The following ADAP1 variants were observed in gnomAD, a reference collection of about 807,000 sequenced individuals.
ADAP1 encodes ArfGAP with dual PH domains 1, also known as arf-GAP with dual PH domain-containing protein 1.
Under a neutral mutation model 54.9 loss-of-function variants are expected in ADAP1, and 31 were observed. That is an observed-to-expected ratio of 0.56 (90% confidence interval 0.42 to 0.76). ADAP1 has a LOEUF of 0.76. ADAP1 is among the 30% of genes least tolerant of loss of function. The probability of loss-of-function intolerance (pLI) is 0.00; values close to 1 mark genes in which losing one functional copy is unlikely to be tolerated. For missense variants in ADAP1, 535 were observed against 512.4 expected, an observed-to-expected ratio of 1.04 and a Z score of -0.42; for synonymous variants, 313 against 202.6, an observed-to-expected ratio of 1.55 and a Z score of -4.63.
chr7:931,692 A>G (rs988227357), intron 2 of ADAP1, among the ~76,000 whole-genome samples: 1 of 151,762 alleles, frequency 6.6e-6, no homozygotes, highest in African/African-American at 2.4e-5. Flanking sequence ...TGCCCTTTAC[A>G]CGGTGAAATG....
intron 1 of ADAP1, among the ~76,000 whole-genome samples, chr7:951,106 G>A (rs1847257704): frequency 6.6e-6 from 1 of 152,182 alleles, no homozygotes; most frequent in Non-Finnish European, 1.5e-5. Flanking sequence ...CAGGCGCGGT[G>A]GCTCATGCCT....
At chr7:948,460 C>T (rs1847196034) in intron 1 of ADAP1, among the ~76,000 whole-genome samples, 1 of 152,134 alleles carries the variant, frequency 6.6e-6, no homozygotes, top group Admixed American at 6.6e-5. Context: ...AAAGCCTTCC[C>T]CTGCATGCCA....
Position 898,778 on chromosome 7 carries a change from C to T in ADAP1, c.*143G>A. ...CAGAGAAGCATCCTGGAAGCTGAAGCTCGGGCCCTACCTGGCCGCGCCGGG... is the reference window on the plus strand; with the variant it reads ...CAGAGAAGCATCCTGGAAGCTGAAGTTCGGGCCCTACCTGGCCGCGCCGGG... On this transcript the variant is annotated 3_prime_UTR_variant, in exon 11 of 11. Coordinates refer to ENST00000265846, the MANE Select transcript of ADAP1 (RefSeq NM_006869.4). 1.8e-6 allele frequency: 2 copies of T among 1,110,998 alleles called. No homozygotes were observed. The highest frequency in any genetic ancestry group is 2.6e-6 in the Non-Finnish European group (2 of 771,252). 68.8% of individuals were successfully genotyped at this position (1,110,998 alleles called of 1,614,324 possible). A position where few individuals can be genotyped will look rare whatever the true frequency, so the allele number is the denominator to read the frequency against.
At position 954,383 on chromosome 7, in the gene ADAP1, G is replaced by A. The variant is rs1285932446; in HGVS notation, c.82+13C>T. On this transcript the variant is annotated intron_variant, in intron 1 of 10. Coordinates refer to ENST00000265846, the MANE Select transcript of ADAP1 (RefSeq NM_006869.4). Reference sequence around the variant, plus strand: ...GACCCACCCGGCCCCGCGCCCACCCGGCCCACACCTACCCGGGGCGCCGCA... The same window carrying A: ...GACCCACCCGGCCCCGCGCCCACCCAGCCCACACCTACCCGGGGCGCCGCA... 4 of 894,304 alleles carry A rather than the reference G, an allele frequency of 4.5e-6. No individual in the cohort carries two copies. The highest frequency in any genetic ancestry group is 1.2e-4 in the East Asian group (1 of 8,482). 55.4% of individuals were successfully genotyped at this position (894,304 alleles called of 1,614,324 possible).
At chr7:906,199 GA>G (rs369915275) in intron 4 of ADAP1, among the ~76,000 whole-genome samples, 3 of 63,662 alleles carry the variant, frequency 4.7e-5, no homozygotes, top group South Asian at 7.3e-4. Context: ...AAGGAGAAAG[GA>G]GAAAGGAGAA....
At position 905,070 on chromosome 7, in the gene ADAP1, T is replaced by C. The variant is rs558466458; in HGVS notation, c.491A>G (p.Asn164Ser). ...TEREGALKYF[N>S]RNDAKEPKAV... is the part of the protein sequence containing the mutation. ...CCGTCTGTGACTCACATCATTTCTG[T>C]TGAAATACTTCAGAGCACCCTCTCG... Residue 164 changes from asparagine (N) to serine (S), a missense_variant, in exon 5 of 11, where the codon AAC becomes AGC. Physicochemically the swap from Asn to Ser is conservative, Grantham distance 46. Transcript: ENST00000265846. 12 of 1,611,230 alleles carry C rather than the reference T, an allele frequency of 7.4e-6. No individual in the cohort carries two copies. Among genetic ancestry groups the C allele is most frequent in the South Asian group, 3.3e-5 (3 of 91,090 alleles).
chr7:917,787 T>C (rs985033372), intron 4 of ADAP1, among the ~76,000 whole-genome samples: 1 of 152,084 alleles, frequency 6.6e-6, no homozygotes, highest in African/African-American at 2.4e-5. Flanking sequence ...TTTTTCTTGT[T>C]ACAGACACAC....
rs79448819 is a variant in ADAP1 at position 898,913 on chromosome 7, C to T, written c.*8G>A. The T allele has an allele frequency of 1.2e-3, 1,993 of 1,599,622 alleles. 21 individuals carry two copies. The African/African-American group carries it at 0.022, about 17-fold the overall frequency. ...AGTCCAATGTCCGTGGTCCTCCAGC[C>T]GCACTCGCTAAGGTTTATGCTTGAA... On this transcript the variant is annotated 3_prime_UTR_variant, in exon 11 of 11. Coordinates refer to ENST00000265846, the MANE Select transcript of ADAP1 (RefSeq NM_006869.4).
rs1172792067 is a variant in ADAP1 at position 897,965 on chromosome 7, G to A, written c.*956C>T. ...ACGGGGCGGCGGATGCCTGGCCTCG[G>A]AAACCCCCTCCCTGCCTATGAGGGC... On this transcript the variant is annotated 3_prime_UTR_variant, in exon 11 of 11. Coordinates refer to ENST00000265846, the MANE Select transcript of ADAP1 (RefSeq NM_006869.4). The A allele has an allele frequency of 1.3e-5, 2 of 152,242 alleles. No individual in the cohort carries two copies. The highest frequency in any genetic ancestry group is 1.9e-4 in the East Asian group (1 of 5,184). 9.4% of individuals were successfully genotyped at this position (152,242 alleles called of 1,614,324 possible). A position where few individuals can be genotyped will look rare whatever the true frequency, so the allele number is the denominator to read the frequency against.
Position 935,608 on chromosome 7 carries a change from G to T in ADAP1, c.83-103C>A, listed in dbSNP as rs529051215. The stretch of plus-strand genomic sequence containing the variant: ...GAGCCCCCGGCCATGCAGTGGGGGG[G>T]GCTTCAGCGGAGACCCCCGGGTACA... On this transcript the variant is annotated intron_variant, in intron 1 of 10. Coordinates refer to ENST00000265846, the MANE Select transcript of ADAP1 (RefSeq NM_006869.4). The T allele has an allele frequency of 3.3e-4, 468 of 1,435,492 alleles. 9 individuals are homozygous for T. The South Asian group carries it at 6.0e-3, about 18-fold the overall frequency. 88.9% of individuals were successfully genotyped at this position (1,435,492 alleles called of 1,614,324 possible).
chr7:929,215 C>T (rs575560772), intron 2 of ADAP1, among the ~76,000 whole-genome samples: 2 of 151,906 alleles, frequency 1.3e-5, no homozygotes, highest in East Asian at 1.9e-4. Flanking sequence ...TCGCTTGAAC[C>T]CGGGAGGCAG....
chr7:926,527 C>T lies in ADAP1; in HGVS notation c.305+26G>A, dbSNP rs1846394807. ...GGAGCCACCCAGCACTTGACCATGGCCCTGACAAGGCCCCTTTGTACTCAC... is the reference window on the plus strand; with the variant it reads ...GGAGCCACCCAGCACTTGACCATGGTCCTGACAAGGCCCCTTTGTACTCAC... On this transcript the variant is annotated intron_variant, in intron 3 of 10. Coordinates refer to ENST00000265846, the MANE Select transcript of ADAP1 (RefSeq NM_006869.4). This position sits in a 1 kb window ranked among gnomAD's most constrained non-coding sequence, Gnocchi z 4.6. 4 of 1,512,898 alleles carry T rather than the reference C, an allele frequency of 2.6e-6. No homozygotes were observed. The highest frequency in any genetic ancestry group is 2.7e-6 in the Non-Finnish European group (3 of 1,131,550). The allele number at this position is 1,512,898 out of a possible 1,614,324, so 93.7% of individuals were successfully genotyped here.
In ADAP1 at chr7:904,871, C is replaced by A. The variant is rs531389712; in HGVS notation, c.501+189G>T. Among the ~76,000 whole-genome samples the A allele has an allele frequency of 2.3e-4, 35 of 152,352 alleles. No homozygotes were observed. The East Asian group carries it at 6.6e-3, about 29-fold the overall frequency. On this transcript the variant is annotated intron_variant, in intron 5 of 10. Transcript: ENST00000265846. Reference sequence around the variant, plus strand: ...CTCCTGGAAAGCCTCAGCTGCCCCACCCTGGGGGACGCTGGGTCCGGCACA... The same window carrying A: ...CTCCTGGAAAGCCTCAGCTGCCCCAACCTGGGGGACGCTGGGTCCGGCACA...
intron 4 of ADAP1, among the ~76,000 whole-genome samples, chr7:914,263 C>T (rs566452517): frequency 1.1e-4 from 17 of 152,344 alleles, no homozygotes; most frequent in Admixed American, 5.9e-4. Context: ...GTGGGTGTGG[C>T]AGGCCCTTCC....
chr7:931,621 T>A (rs1846582413), intron 2 of ADAP1, among the ~76,000 whole-genome samples: 1 of 152,102 alleles, frequency 6.6e-6, no homozygotes, highest in South Asian at 2.1e-4. Flanking sequence ...GATGAAAATG[T>A]CCTAATATTG....
intron 4 of ADAP1, among the ~76,000 whole-genome samples, chr7:911,796 G>A (rs1476331020): frequency 6.8e-6 from 1 of 147,750 alleles, no homozygotes; most frequent in Non-Finnish European, 1.5e-5. Context: ...TCCCACGGAG[G>A]GCCAGGAAGG....
rs1439834921 is a variant in ADAP1 at position 943,020 on chromosome 7, G to T, written c.83-7515C>A. 3.9e-3 allele frequency among the ~76,000 whole-genome samples: 72 copies of T among 18,470 alleles called. 3 individuals carry two copies. Among genetic ancestry groups the T allele is most frequent in the South Asian group, 6.5e-3 (1 of 154 alleles). The allele number at this position is 18,470 out of a possible 152,430, so 12.1% of individuals were successfully genotyped here. A position where few individuals can be genotyped will look rare whatever the true frequency, so the allele number is the denominator to read the frequency against. On this transcript the variant is annotated intron_variant, in intron 1 of 10. Coordinates refer to ENST00000265846, the MANE Select transcript of ADAP1 (RefSeq NM_006869.4). ...GAGAGGAGGAGGAAGGGAGAGAGGA[G>T]GAGGAAGGGAGGAGGAGGAAGGGAG... is the stretch of plus-strand genomic sequence containing the variant.
Position 945,792 on chromosome 7 carries a change from C to G in ADAP1, c.82+8604G>C. On this transcript the variant is annotated intron_variant, in intron 1 of 10. Transcript: ENST00000265846. This position sits in a 1 kb window ranked among gnomAD's most constrained non-coding sequence, Gnocchi z 4.2. ...CCCAGGACGCCCGAGGTGACTCAGC[C>G]GCTCACCATTTCCGGAGCTGGTCTG... The G allele has an allele frequency of 1.0e-6, 1 of 985,608 alleles. No individual in the cohort carries two copies. The highest frequency in any genetic ancestry group is 4.7e-5 in the South Asian group (1 of 21,296). 61.1% of individuals were successfully genotyped at this position (985,608 alleles called of 1,614,324 possible).
At chr7:952,241 C>G (rs960496470) in intron 1 of ADAP1, among the ~76,000 whole-genome samples, 3 of 152,182 alleles carry the variant, frequency 2.0e-5, no homozygotes, top group Non-Finnish European at 2.9e-5. Context: ...GCAGAGACCC[C>G]AAGACTGCTT....
Sources: gnomAD v4.1 joint callset for allele counts (sites outside exome capture counted in the v4.1 genomes callset) on GRCh38, gnomAD v4.1.1 for gene constraint, Gnocchi (gnomAD v3.1) non-coding constraint, MANE v1.5 for transcripts, NCBI Gene and HGNC (gene_info 2026-07-23, HGNC 2026-07-21) for gene names.